Variants in RNASEH2B observed in about 807,000 individuals in gnomAD.
RNASEH2B encodes the protein Aicardi-Goutieres syndrome 2 protein.
Under a neutral mutation model 45.0 loss-of-function variants are expected in RNASEH2B, and 36 were observed. The ratio of observed to expected loss-of-function variants is 0.80; its 90% CI spans 0.61 to 1.06. RNASEH2B has a LOEUF of 1.06. Ranked by LOEUF, RNASEH2B falls within the 50% of genes least tolerant of loss-of-function variation. The probability of loss-of-function intolerance (pLI) is 0.00; values close to 1 mark genes in which losing one functional copy is unlikely to be tolerated. For synonymous variants in RNASEH2B, 119 were observed against 125.7 expected, an observed-to-expected ratio of 0.95 and a Z score of 0.35; for missense variants, 361 against 360.3, an observed-to-expected ratio of 1.00 and a Z score of -0.02.
chr13:50,964,359 A>T (rs1444360355), intron 9 of RNASEH2B, among the ~76,000 whole-genome samples: 1 of 151,968 alleles, frequency 6.6e-6, no homozygotes. Context: ...CTATACTACT[A>T]ACTAATAATA....
intron 10 of RNASEH2B, chr13:50,954,201 A>G: frequency 3.2e-6 from 2 of 620,104 alleles, no homozygotes; most frequent in Admixed American, 2.7e-5. Context: ...ACAATATACT[A>G]CTTATCAAGA....
intron 9 of RNASEH2B, chr13:50,950,721 G>C (rs1951966053): frequency 6.6e-6 from 1 of 152,142 alleles, no homozygotes; most frequent in Non-Finnish European, 1.5e-5. Flanking sequence ...GTAACTTAGA[G>C]ATCATTCATG....
In RNASEH2B at chr13:50,935,049, C is replaced by G. The variant is rs571873512; in HGVS notation, c.436+50C>G. The stretch of plus-strand genomic sequence containing the variant: ...GGCTGGTAGAAAGGATGGACCTTGC[C>G]TAAGAACGTGGCTGCTTACAGACAC... On this transcript the variant is annotated intron_variant, in intron 5 of 10. Transcript: ENST00000336617. 2.4e-5 allele frequency: 29 copies of G among 1,214,888 alleles called. No individual in the cohort carries two copies. In the East Asian group the frequency reaches 6.6e-4, roughly 28 times the overall value. The allele number at this position is 1,214,888 out of a possible 1,614,324, so 75.3% of individuals were successfully genotyped here. A position where few individuals can be genotyped will look rare whatever the true frequency, so the allele number is the denominator to read the frequency against.
downstream of RNASEH2B, among the ~76,000 whole-genome samples, chr13:50,957,771 A>G (rs778839583): frequency 6.6e-6 from 1 of 152,022 alleles, no homozygotes; most frequent in Non-Finnish European, 1.5e-5. Flanking sequence ...ATCATCTGTT[A>G]TTTTTTTACT....
In RNASEH2B at chr13:50,944,161, C is replaced by T. The variant is rs931582884; in HGVS notation, c.510+767C>T. On this transcript the variant is annotated intron_variant, in intron 6 of 10. Coordinates refer to ENST00000336617, the MANE Select transcript of RNASEH2B (RefSeq NM_024570.4). ...TTATATGTGTTTAAGTATTGGGTTG[C>T]TGTATATTTCTTACTATGGGTTGTG... Among the ~76,000 whole-genome samples, 8 of 151,718 alleles carry T rather than the reference C, an allele frequency of 5.3e-5. No individual in the cohort carries two copies. In the South Asian group the frequency reaches 6.2e-4, roughly 12 times the overall value.
At chr13:50,949,994 T>A (rs1951956020) in intron 9 of RNASEH2B, 1 of 153,636 alleles carries the variant, frequency 6.5e-6, no homozygotes, top group Admixed American at 6.5e-5. Flanking sequence ...TAATCTTTGT[T>A]AGTGGAAAAT....
intron 3 of RNASEH2B, 86 bp from the exon 4 acceptor site, chr13:50,930,597 C>A (rs1951666319): frequency 1.0e-6 from 1 of 968,030 alleles, no homozygotes. Context: ...TTTTTCAACA[C>A]TGTTTTTCAC....
Position 50,948,084 on chromosome 13 carries a change from C to G in RNASEH2B, c.698+16C>G. On this transcript the variant is annotated intron_variant, in intron 8 of 10. Coordinates refer to ENST00000336617, the MANE Select transcript of RNASEH2B (RefSeq NM_024570.4). ...AATACTTAAAGTGAGTATTGATTAT[C>G]TTCAGTCATAATGAAGTACCATTTG... is the stretch of plus-strand genomic sequence containing the variant. 1.2e-6 allele frequency: 2 copies of G among 1,609,468 alleles called. No individual in the cohort carries two copies. The highest frequency in any genetic ancestry group is 1.7e-6 in the Non-Finnish European group (2 of 1,178,724).
At chr13:50,939,505 G>A (rs1951808446) in intron 5 of RNASEH2B, among the ~76,000 whole-genome samples, 2 of 152,162 alleles carry the variant, frequency 1.3e-5, no homozygotes, top group African/African-American at 4.8e-5. Flanking sequence ...GGGTAACAGA[G>A]TGAGACCCTG....
intron 5 of RNASEH2B, among the ~76,000 whole-genome samples, chr13:50,939,776 G>A (rs1474009805): frequency 2.0e-5 from 3 of 151,998 alleles, no homozygotes; most frequent in South Asian, 2.1e-4. Context: ...AATTCAAAAT[G>A]GATCACTATG....
At chr13:50,942,431 A>G (rs957501206) in intron 5 of RNASEH2B, 6 of 152,190 alleles carry the variant, frequency 3.9e-5, no homozygotes, top group Non-Finnish European at 4.4e-5. Context: ...TGCTCCCCCA[A>G]TCCCCAATAC....
At chr13:50,958,073 T>C (rs548595806), downstream of RNASEH2B, among the ~76,000 whole-genome samples, 26 of 152,344 alleles carry the variant, frequency 1.7e-4, no homozygotes, top group Non-Finnish European at 2.9e-4. Context: ...TATTTTGCTG[T>C]GCAGAAGCTC....
intron 2 of RNASEH2B, among the ~76,000 whole-genome samples, 191 bp downstream of exon 2, chr13:50,927,669 A>G (rs560800687): frequency 6.6e-6 from 1 of 152,318 alleles, no homozygotes; most frequent in Admixed American, 6.5e-5. Context: ...CATTTTAAAA[A>G]TTTCTTCTCA....
chr13:50,922,202 T>G (rs1305245729), intron 1 of RNASEH2B, among the ~76,000 whole-genome samples: 2 of 152,082 alleles, frequency 1.3e-5, no homozygotes, highest in Non-Finnish European at 2.9e-5. Flanking sequence ...TTCTGAGGGG[T>G]CAATACCAGT....
At chr13:50,917,835 A>C (rs1772526226) in intron 1 of RNASEH2B, among the ~76,000 whole-genome samples, 1 of 152,164 alleles carries the variant, frequency 6.6e-6, no homozygotes, top group Non-Finnish European at 1.5e-5. Flanking sequence ...TAGGGACCAG[A>C]CATACCTCCT....
intron 4 of RNASEH2B, among the ~76,000 whole-genome samples, chr13:50,932,135 G>C (rs912974685): frequency 6.6e-6 from 1 of 152,150 alleles, no homozygotes; most frequent in Non-Finnish European, 1.5e-5. Context: ...AATCTTTCCC[G>C]TGAAATGACA....
chr13:50,936,028 G>A (rs1951747662), intron 5 of RNASEH2B: 1 of 152,248 alleles, frequency 6.6e-6, no homozygotes, highest in Admixed American at 6.5e-5. Flanking sequence ...CAAGGAGAAG[G>A]AGGAGTCAAG....
chr13:50,957,408 A>G (rs766149139), downstream of RNASEH2B, among the ~76,000 whole-genome samples: 21 of 152,032 alleles, frequency 1.4e-4, no homozygotes, highest in Non-Finnish European at 3.1e-4. Flanking sequence ...AGCTGCATCC[A>G]TTTTGCTGCA....
intron 1 of RNASEH2B, among the ~76,000 whole-genome samples, chr13:50,926,680 GTCTT>G (rs1275606461): frequency 8.6e-5 from 13 of 151,940 alleles, no homozygotes; most frequent in African/African-American, 2.9e-4. Flanking sequence ...TTAAGAAAAG[GTCTT>G]TCTAAGTGTG....
Sources: allele counts gnomAD v4.1 joint callset (sites outside exome capture counted in the v4.1 genomes callset), GRCh38; gene constraint gnomAD v4.1.1; transcripts MANE v1.5; gene names NCBI Gene and HGNC (gene_info 2026-07-23, HGNC 2026-07-21).